ASRGL1: variants seen among roughly 807,000 people sequenced by gnomAD.
ASRGL1 encodes the protein isoaspartyl peptidase/L-asparaginase.
In ASRGL1, 16 loss-of-function variants were observed where a neutral mutation model predicts 22.4. The observed-to-expected ratio is 0.71, with a 90% CI of 0.48 to 1.08. The LOEUF (loss-of-function observed/expected upper bound fraction) is 1.08. ASRGL1 is among the 50% of genes least tolerant of loss of function. The probability of loss-of-function intolerance (pLI) is 0.00; values close to 1 mark genes in which losing one functional copy is unlikely to be tolerated. For synonymous variants in ASRGL1, 165 were observed against 159.3 expected, an observed-to-expected ratio of 1.04 and a Z score of -0.27; for missense variants, 412 against 410.1, an observed-to-expected ratio of 1.00 and a Z score of -0.04.
intron 2 of ASRGL1, among the ~76,000 whole-genome samples, chr11:62,347,538 G>C (rs1044914509): frequency 6.6e-6 from 1 of 152,156 alleles, no homozygotes; most frequent in Non-Finnish European, 1.5e-5. Flanking sequence ...TACTTTAGGA[G>C]CTGTGTGTCA....
chr11:62,389,429 G>A, intron 5 of ASRGL1, 178 bp downstream of exon 5: 3 of 707,108 alleles, frequency 4.2e-6, no homozygotes, highest in Non-Finnish European at 7.6e-6. Flanking sequence ...GTGCTGCCTT[G>A]AGAGGGTGTT....
chr11:62,374,446 T>C (rs1946860658), intron 4 of ASRGL1, among the ~76,000 whole-genome samples: 1 of 152,128 alleles, frequency 6.6e-6, no homozygotes, highest in Admixed American at 6.5e-5. Context: ...AAAATAGATA[T>C]TTAGTTCAGT....
intron 2 of ASRGL1, among the ~76,000 whole-genome samples, chr11:62,346,336 A>T (rs1045206781): frequency 3.9e-5 from 6 of 152,098 alleles, no homozygotes; most frequent in African/African-American, 1.4e-4. Flanking sequence ...GGTATGGGGG[A>T]AGGGGTGTGG....
In ASRGL1 at chr11:62,389,221, G is replaced by A; in HGVS notation, c.580G>A (p.Val194Ile). 3.1e-6 allele frequency: 5 copies of A among 1,614,116 alleles called. No individual in the cohort carries two copies. The highest frequency in any genetic ancestry group is 4.2e-6 in the Non-Finnish European group (5 of 1,180,020). ...TSTGGIVNKMVGRVGDSPCLG... is the reference protein window; with the variant it reads ...TSTGGIVNKMIGRVGDSPCLG... ...CACAGGCGGTATCGTTAATAAAATG[G>A]TCGGCCGCGTTGGGGACTCACCGTG... is the stretch of plus-strand genomic sequence containing the variant. Residue 194 changes from valine (V) to isoleucine (I), a missense_variant, in exon 5 of 7, where the codon GTC becomes ATC. Val to Ile is a conservative substitution (Grantham distance 29, BLOSUM62 3). Coordinates refer to ENST00000415229, the MANE Select transcript of ASRGL1 (RefSeq NM_001083926.2).
rs771170549 is a variant in ASRGL1 at position 62,365,067 on chromosome 11, CAAAA to C, written c.491+7935_491+7938del. 6.1e-5 allele frequency among the ~76,000 whole-genome samples: 5 copies of C among 82,064 alleles called. No individual in the cohort carries two copies. In the South Asian group the frequency reaches 1.4e-3, roughly 23 times the overall value. The allele number at this position is 82,064 out of a possible 152,430, so 53.8% of individuals were successfully genotyped here. A position where few individuals can be genotyped will look rare whatever the true frequency, so the allele number is the denominator to read the frequency against. On this transcript the variant is annotated intron_variant, in intron 4 of 6. Coordinates refer to ENST00000415229, the MANE Select transcript of ASRGL1 (RefSeq NM_001083926.2). ...CTGGGTGACAAGCAAAACTCCATCTCAAAAAAAAAAAAAAAGAAAGAAACATTGA... is the reference window on the plus strand; with the variant it reads ...CTGGGTGACAAGCAAAACTCCATCTCAAAAAAAAAAAGAAAGAAACATTGA...
chr11:62,393,017 G>A lies in ASRGL1; in HGVS notation c.*733G>A, dbSNP rs1947378859. 6.6e-6 allele frequency: 1 copy of A among 152,372 alleles called. No individual in the cohort carries two copies. Among genetic ancestry groups the A allele is most frequent in the South Asian group, 2.1e-4 (1 of 4,828 alleles). 9.4% of individuals were successfully genotyped at this position (152,372 alleles called of 1,614,324 possible). A position where few individuals can be genotyped will look rare whatever the true frequency, so the allele number is the denominator to read the frequency against. ...TCACAGAGGAGCCCCCTCACTTGGTGTTCTCCCGTGAGCCAGCCTCCACCT... is the reference window on the plus strand; with the variant it reads ...TCACAGAGGAGCCCCCTCACTTGGTATTCTCCCGTGAGCCAGCCTCCACCT... On this transcript the variant is annotated 3_prime_UTR_variant, in exon 7 of 7. Coordinates refer to ENST00000415229, the MANE Select transcript of ASRGL1 (RefSeq NM_001083926.2).
intron 4 of ASRGL1, among the ~76,000 whole-genome samples, chr11:62,359,328 C>G (rs1343641723): frequency 1.3e-5 from 2 of 152,098 alleles, no homozygotes; most frequent in African/African-American, 2.4e-5. Flanking sequence ...CACCTGTAAT[C>G]CCAGCTACTC....
At chr11:62,376,100 C>CAA (rs35931241) in intron 4 of ASRGL1, among the ~76,000 whole-genome samples, 272 of 51,366 alleles carry the variant, frequency 5.3e-3, no homozygotes, top group Admixed American at 8.4e-3. Flanking sequence ...GACTCCATCT[C>CAA]AAAAAAAAAA....
intron 2 of ASRGL1, among the ~76,000 whole-genome samples, chr11:62,341,401 T>C (rs2134565907): frequency 6.6e-6 from 1 of 152,180 alleles, no homozygotes; most frequent in East Asian, 1.9e-4. Context: ...GGTTTCACTG[T>C]GTTAGCCAGG....
chr11:62,347,420 G>A (rs191906260), intron 2 of ASRGL1, among the ~76,000 whole-genome samples: 10 of 152,160 alleles, frequency 6.6e-5, no homozygotes. Context: ...CTGATTACAC[G>A]ATTGGTTCCC....
intron 4 of ASRGL1, among the ~76,000 whole-genome samples, chr11:62,388,148 T>G (rs2134698499): frequency 6.6e-6 from 1 of 152,316 alleles, no homozygotes; most frequent in East Asian, 1.9e-4. Flanking sequence ...TGGTAAGTAC[T>G]TGTGTATCTA....
intron 4 of ASRGL1, among the ~76,000 whole-genome samples, chr11:62,369,207 C>T (rs936692743): frequency 1.3e-5 from 2 of 152,136 alleles, no homozygotes; most frequent in African/African-American, 4.8e-5. Context: ...ATGGTGATGA[C>T]TTTTAACAAG....
At chr11:62,354,580 G>A (rs1946235394) in intron 2 of ASRGL1, among the ~76,000 whole-genome samples, 1 of 152,186 alleles carries the variant, frequency 6.6e-6, no homozygotes, top group African/African-American at 2.4e-5. Flanking sequence ...AGGTGCTACT[G>A]CAGCTGATCT....
At chr11:62,368,107 G>C (rs113496593) in intron 4 of ASRGL1, among the ~76,000 whole-genome samples, 24 of 152,098 alleles carry the variant, frequency 1.6e-4, no homozygotes, top group African/African-American at 5.3e-4. Flanking sequence ...ACTCAACCGC[G>C]GTCTGATGTT....
chr11:62,380,038 T>G (rs1947025785), intron 4 of ASRGL1, among the ~76,000 whole-genome samples: 1 of 152,162 alleles, frequency 6.6e-6, no homozygotes, highest in Non-Finnish European at 1.5e-5. Context: ...GGGCAATTCT[T>G]TTTTAGATGA....
chr11:62,375,669 A>G (rs1241317610), intron 4 of ASRGL1, among the ~76,000 whole-genome samples: 1 of 151,556 alleles, frequency 6.6e-6, no homozygotes, highest in African/African-American at 2.4e-5. Flanking sequence ...AGGTACCCAT[A>G]CACTATTATT....
chr11:62,379,153 C>T (rs898182384), intron 4 of ASRGL1, among the ~76,000 whole-genome samples: 5 of 152,080 alleles, frequency 3.3e-5, no homozygotes, highest in African/African-American at 1.2e-4. Flanking sequence ...CTTGATTATC[C>T]GGCCCTAAAC....
At chr11:62,397,092 C>T (rs571404933), downstream of ASRGL1, among the ~76,000 whole-genome samples, 88 of 152,192 alleles carry the variant, frequency 5.8e-4, no homozygotes, top group Non-Finnish European at 1.2e-3. Context: ...TGCAGTGGCG[C>T]GATCTTGGCT....
At chr11:62,360,923 C>T (rs1386330902) in intron 4 of ASRGL1, among the ~76,000 whole-genome samples, 3 of 152,080 alleles carry the variant, frequency 2.0e-5, no homozygotes, top group African/African-American at 7.2e-5. Flanking sequence ...ACAATGTATC[C>T]AATATTTAGC....
Sources: allele counts gnomAD v4.1 joint callset (sites outside exome capture counted in the v4.1 genomes callset), GRCh38; gene constraint gnomAD v4.1.1; transcripts MANE v1.5; gene names NCBI Gene and HGNC (gene_info 2026-07-23, HGNC 2026-07-21).